MTAP: variants seen among roughly 807,000 people sequenced by gnomAD.
MTAP encodes methylthioadenosine phosphorylase.
Under a neutral mutation model 33.6 loss-of-function variants are expected in MTAP, and 33 were observed. The observed-to-expected ratio is 0.98, with a 90% CI of 0.74 to 1.31. The LOEUF (loss-of-function observed/expected upper bound fraction) is 1.31, where lower values mean the gene tolerates loss of function less well. Among genes scored for constraint, MTAP ranks in the 40% most tolerant of loss-of-function variants. MTAP has a pLI of 0.00. For missense variants in MTAP, 367 were observed against 360.0 expected, an observed-to-expected ratio of 1.02 and a Z score of -0.16; for synonymous variants, 148 against 125.7, an observed-to-expected ratio of 1.18 and a Z score of -1.19.
At chr9:21,824,489 G>C (rs570737338) in intron 4 of MTAP, among the ~76,000 whole-genome samples, 1 of 152,124 alleles carries the variant, frequency 6.6e-6, no homozygotes, top group African/African-American at 2.4e-5. Flanking sequence ...GTACCCAGCC[G>C]TGTGAGGTGT....
chr9:21,807,014 A>G (rs924762245), intron 1 of MTAP, among the ~76,000 whole-genome samples: 1 of 152,018 alleles, frequency 6.6e-6, no homozygotes, highest in East Asian at 1.9e-4. Context: ...AAATACAAAA[A>G]TTAGCCAGGC....
chr9:21,811,935 TA>T (rs1214024234), intron 1 of MTAP: 3 of 331,902 alleles, frequency 9.0e-6, no homozygotes, highest in Non-Finnish European at 1.8e-5. Context: ...ACCAACAAAG[TA>T]GCTGCTGTTC....
At chr9:21,838,623 C>T (rs1047750790) in intron 5 of MTAP, among the ~76,000 whole-genome samples, 8 of 152,212 alleles carry the variant, frequency 5.3e-5, no homozygotes, top group African/African-American at 1.9e-4. Context: ...CATTACTGCC[C>T]AGCCTTCTGT....
In MTAP at chr9:21,922,791, T is replaced by C. The variant is rs149102389; in HGVS notation, c.148-8217T>C. Among the ~76,000 whole-genome samples, 610 of 152,270 alleles carry C rather than the reference T, an allele frequency of 4.0e-3. 7 individuals carry two copies. The highest frequency in any genetic ancestry group is 0.014 in the African/African-American group (562 of 41,556). On this transcript the variant is annotated intron_variant, in intron 1 of 1. Transcript: ENST00000577563. This position sits in a 1 kb window ranked among gnomAD's most constrained non-coding sequence, Gnocchi z 4.8. ...CGCTGGCTGATCTCTCAGCTTACCC[T>C]GACCGGTGGCTTACAGGGGTAGGAA...
chr9:21,832,459 G>A (rs1388420622), intron 4 of MTAP, among the ~76,000 whole-genome samples: 1 of 152,186 alleles, frequency 6.6e-6, no homozygotes, highest in Non-Finnish European at 1.5e-5. Flanking sequence ...AACCCTTACT[G>A]TTCTTACTTC....
At chr9:21,835,779 A>G (rs893428762) in intron 4 of MTAP, among the ~76,000 whole-genome samples, 9 of 152,302 alleles carry the variant, frequency 5.9e-5, no homozygotes, top group East Asian at 5.8e-4. Flanking sequence ...TTCAGCATTA[A>G]CAATGACACA....
At chr9:21,885,049 G>A (rs970586414) in intron 1 of MTAP, among the ~76,000 whole-genome samples, 4 of 152,086 alleles carry the variant, frequency 2.6e-5, no homozygotes, top group African/African-American at 9.7e-5. Context: ...CTATCTCAAT[G>A]TGATGATAGT....
chr9:21,831,908 G>C (rs1348533163), intron 4 of MTAP, among the ~76,000 whole-genome samples: 1 of 152,014 alleles, frequency 6.6e-6, no homozygotes, highest in Admixed American at 6.6e-5. Context: ...GGCCTGTTGT[G>C]CCTAAGGCCT....
At chr9:21,816,601 G>T in intron 2 of MTAP, 113 bp from the exon 3 acceptor site, 1 of 837,116 alleles carries the variant, frequency 1.2e-6, no homozygotes, top group Non-Finnish European at 1.9e-6. Flanking sequence ...TCTTCTCTAA[G>T]TTGTATCCTC....
At chr9:21,868,775 G>A (rs1825892864), downstream of MTAP, among the ~76,000 whole-genome samples, 1 of 152,100 alleles carries the variant, frequency 6.6e-6, no homozygotes, top group Non-Finnish European at 1.5e-5. Flanking sequence ...CTCCCAAACT[G>A]TTTTCCCTCC....
rs989103885 is a variant in MTAP, at chr9:21,863,572, G to A, written c.*1558G>A. 2.6e-5 allele frequency: 23 copies of A among 868,792 alleles called. No individual in the cohort carries two copies. Among genetic ancestry groups the A allele is most frequent in the Non-Finnish European group, 3.0e-5 (22 of 724,138 alleles). The allele number at this position is 868,792 out of a possible 1,614,324, so 53.8% of individuals were successfully genotyped here. A position where few individuals can be genotyped will look rare whatever the true frequency, so the allele number is the denominator to read the frequency against. The stretch of plus-strand genomic sequence containing the variant: ...CAGTGAGCAGAGCTTGCAGTGAGAC[G>A]AGCTTGTGCCACTGCACTCCAGCCT... On this transcript the variant is annotated 3_prime_UTR_variant, in exon 8 of 8. Transcript: ENST00000644715.
At chr9:21,907,108 A>G (rs1048477395) in intron 1 of MTAP, among the ~76,000 whole-genome samples, 8 of 152,258 alleles carry the variant, frequency 5.3e-5, no homozygotes, top group Admixed American at 2.0e-4. Flanking sequence ...GACAAAGCAC[A>G]ATCCCAGATG....
At chr9:21,939,228 A>G (rs1179192559), downstream of MTAP, among the ~76,000 whole-genome samples, 3 of 152,228 alleles carry the variant, frequency 2.0e-5, no homozygotes, top group Admixed American at 6.5e-5. Flanking sequence ...TGTAAGTCCA[A>G]TTAAACCTCT....
At chr9:21,816,206 G>A (rs527654209) in intron 2 of MTAP, among the ~76,000 whole-genome samples, 2 of 152,208 alleles carry the variant, frequency 1.3e-5, no homozygotes, top group Non-Finnish European at 2.9e-5. Context: ...TCCCAGTCCT[G>A]CAGTCATCCT....
intron 4 of MTAP, among the ~76,000 whole-genome samples, chr9:21,822,581 T>C (rs1486136384): frequency 6.6e-6 from 1 of 152,236 alleles, no homozygotes; most frequent in Non-Finnish European, 1.5e-5. Flanking sequence ...AAGTGTGATG[T>C]GGTGCCGAGA....
At chr9:21,872,381 T>C (rs935320483) in intron 1 of MTAP, among the ~76,000 whole-genome samples, 8 of 152,090 alleles carry the variant, frequency 5.3e-5, no homozygotes, top group Non-Finnish European at 1.2e-4. Context: ...AAACCAATAT[T>C]TTTTTTAAAG....
At chr9:21,878,918 G>C (rs901729637) in intron 1 of MTAP, among the ~76,000 whole-genome samples, 9 of 152,160 alleles carry the variant, frequency 5.9e-5, no homozygotes, top group Non-Finnish European at 1.2e-4. Flanking sequence ...TAGTCCTAGA[G>C]TATGTTTCAT....
At chr9:21,905,993 G>A (rs1818471221) in intron 1 of MTAP, among the ~76,000 whole-genome samples, 1 of 152,210 alleles carries the variant, frequency 6.6e-6, no homozygotes, top group South Asian at 2.1e-4. Flanking sequence ...CCTTCAAGCT[G>A]AGAAATTAAC....
downstream of MTAP, among the ~76,000 whole-genome samples, chr9:21,868,743 C>G (rs1270049369): frequency 6.6e-6 from 1 of 152,168 alleles, no homozygotes; most frequent in Non-Finnish European, 1.5e-5. Context: ...AGAACACTTT[C>G]AAGACCCCCC....
Sources: gnomAD v4.1 joint callset for allele counts (sites outside exome capture counted in the v4.1 genomes callset) on GRCh38, gnomAD v4.1.1 for gene constraint, Gnocchi (gnomAD v3.1) non-coding constraint, MANE v1.5 for transcripts, NCBI Gene and HGNC (gene_info 2026-07-23, HGNC 2026-07-21) for gene names.